The following DEUP1 variants were observed in gnomAD, a reference collection of about 807,000 sequenced individuals.
DEUP1 encodes deuterosome assembly protein 1.
DEUP1 carries 82 observed loss-of-function variants against 87.4 expected under a neutral mutation model. The observed-to-expected ratio is 0.94, with a 90% CI of 0.78 to 1.13. The LOEUF (loss-of-function observed/expected upper bound fraction) is 1.13. DEUP1 is among the 50% of genes most tolerant of loss of function. The pLI is 0.00. For synonymous variants in DEUP1, 214 were observed against 222.7 expected, an observed-to-expected ratio of 0.96 and a Z score of 0.35; for missense variants, 663 against 681.5, an observed-to-expected ratio of 0.97 and a Z score of 0.30.
intron 10 of DEUP1, among the ~76,000 whole-genome samples, chr11:93,395,608 G>T (rs10831032): frequency 6.6e-6 from 1 of 151,794 alleles, no homozygotes; most frequent in Non-Finnish European, 1.5e-5. Flanking sequence ...ATTTTTGTAC[G>T]TTTTCTAGGT....
At chr11:93,384,935 T>C (rs1209159206) in intron 7 of DEUP1, among the ~76,000 whole-genome samples, 2 of 152,088 alleles carry the variant, frequency 1.3e-5, no homozygotes, top group Admixed American at 6.5e-5. Context: ...AAAAAATGAA[T>C]GAAGGAGGCC....
At chr11:93,375,880 G>A (rs934292351) in intron 7 of DEUP1, among the ~76,000 whole-genome samples, 1 of 152,096 alleles carries the variant, frequency 6.6e-6, no homozygotes, top group Non-Finnish European at 1.5e-5. Flanking sequence ...TTCTTTGAAT[G>A]TTTGATAGAA....
rs766746912 is a variant in DEUP1, at chr11:93,415,005, G to A, written c.1529G>A (p.Ser510Asn). 1 of 1,558,082 alleles carries A rather than the reference G, an allele frequency of 6.4e-7. No individual in the cohort carries two copies. The highest frequency in any genetic ancestry group is 8.7e-7 in the Non-Finnish European group (1 of 1,153,946). Residue 510 changes from serine to asparagine, a missense_variant, in exon 13 of 14, where the codon AGT becomes AAT. Coordinates refer to ENST00000298050, the MANE Select transcript of DEUP1 (RefSeq NM_181645.4). ...AACCATTTCTTCTCTTTTAGACTTAGTCATGACTGTGAGCCAAACAGAAGT... is the reference window on the plus strand; with the variant it reads ...AACCATTTCTTCTCTTTTAGACTTAATCATGACTGTGAGCCAAACAGAAGT... ...IKVEQNEERL[S>N]HDCEPNRSTM... is the part of the protein sequence containing the mutation.
chr11:93,394,436 T>C (rs1366745508), intron 9 of DEUP1, 23 bp from the exon 10 acceptor site: 9 of 1,495,010 alleles, frequency 6.0e-6, no homozygotes, highest in Non-Finnish European at 7.1e-6. Context: ...TTCAATAATA[T>C]TTCCAGTCTC....
At chr11:93,375,127 T>G (rs12272743) in intron 7 of DEUP1, among the ~76,000 whole-genome samples, 37,200 of 151,416 alleles carry the variant, frequency 0.25, 4,865 homozygotes, top group South Asian at 0.38. Flanking sequence ...CCACTGATTT[T>G]TGTACATTGA....
At chr11:93,415,761 C>T (rs764073055) in intron 13 of DEUP1, among the ~76,000 whole-genome samples, 8 of 151,790 alleles carry the variant, frequency 5.3e-5, no homozygotes, top group Non-Finnish European at 8.8e-5. Context: ...GCTTCTTTTT[C>T]TCAACCTTGT....
chr11:93,385,978 G>A (rs1042857369), intron 8 of DEUP1, among the ~76,000 whole-genome samples: 4 of 151,796 alleles, frequency 2.6e-5, no homozygotes, highest in African/African-American at 7.3e-5. Flanking sequence ...GCTTGAGCCT[G>A]GAAGGTCAAG....
chr11:93,334,636 G>A (rs1232333036), intron 2 of DEUP1, among the ~76,000 whole-genome samples: 2 of 152,164 alleles, frequency 1.3e-5, no homozygotes, highest in Non-Finnish European at 2.9e-5. Context: ...AAGTGCCAAG[G>A]CCTATGGTGG....
rs545208806 is a variant in DEUP1 at position 93,369,597 on chromosome 11, T to C, written c.433-476T>C. Reference sequence around the variant, plus strand: ...ATGGTAAAAAATCCAACATGAATGATTTGACACCTTTTCTTTTGTTTGTTT... The same window carrying C: ...ATGGTAAAAAATCCAACATGAATGACTTGACACCTTTTCTTTTGTTTGTTT... On this transcript the variant is annotated intron_variant, in intron 5 of 13. Coordinates refer to ENST00000298050, the MANE Select transcript of DEUP1 (RefSeq NM_181645.4). 3.9e-5 allele frequency among the ~76,000 whole-genome samples: 6 copies of C among 152,328 alleles called. No individual in the cohort carries two copies. The East Asian group carries it at 9.6e-4, about 24-fold the overall frequency.
At chr11:93,355,321 C>T in intron 2 of DEUP1, 50 bp from the exon 3 acceptor site, 5 of 1,534,740 alleles carry the variant, frequency 3.3e-6, no homozygotes, top group Admixed American at 4.0e-5. Flanking sequence ...TTTTTTTTGC[C>T]CTCACATTTC....
chr11:93,428,636 CAT>C (rs528692403), intron 13 of DEUP1, among the ~76,000 whole-genome samples: 183 of 152,088 alleles, frequency 1.2e-3, no homozygotes, highest in Non-Finnish European at 2.2e-3. Flanking sequence ...AAAACCATCA[CAT>C]GTTTTAAGTG....
intron 2 of DEUP1, among the ~76,000 whole-genome samples, chr11:93,345,861 T>G (rs947930911): frequency 3.3e-5 from 5 of 152,198 alleles, no homozygotes; most frequent in African/African-American, 1.2e-4. Context: ...TTAAATTAAT[T>G]AGATCCCATT....
intron 2 of DEUP1, among the ~76,000 whole-genome samples, chr11:93,346,411 A>G (rs1944350634): frequency 6.6e-6 from 1 of 152,038 alleles, no homozygotes; most frequent in Admixed American, 6.6e-5. Flanking sequence ...TTTTTTGGTA[A>G]AGACAGAGTT....
At chr11:93,371,580 C>A (rs1037864626) in intron 7 of DEUP1, among the ~76,000 whole-genome samples, 1 of 152,142 alleles carries the variant, frequency 6.6e-6, no homozygotes, top group Non-Finnish European at 1.5e-5. Flanking sequence ...CCTCTTCCCC[C>A]ACTATTTTCT....
chr11:93,330,557 C>CG (rs1050257089), upstream of DEUP1: 19 of 152,338 alleles, frequency 1.2e-4, no homozygotes, highest in African/African-American at 4.3e-4. Context: ...GCCACGAGTT[C>CG]GGGCCGCGAC....
chr11:93,417,024 G>A (rs1179581611), intron 13 of DEUP1, among the ~76,000 whole-genome samples: 2 of 151,538 alleles, frequency 1.3e-5, no homozygotes, highest in African/African-American at 2.4e-5. Context: ...TACATGGGAC[G>A]TATCTCAAAA....
chr11:93,436,910 CA>C (rs1159767131), intron 13 of DEUP1, among the ~76,000 whole-genome samples: 2 of 151,996 alleles, frequency 1.3e-5, no homozygotes, highest in African/African-American at 4.8e-5. Context: ...TTTAAATAAG[CA>C]CTAAACAGGT....
chr11:93,371,810 A>AT (rs979571625), intron 7 of DEUP1, among the ~76,000 whole-genome samples: 2 of 151,656 alleles, frequency 1.3e-5, no homozygotes, highest in Admixed American at 6.6e-5. Context: ...ACAAGCATTA[A>AT]TTTTTTTTCT....
intron 11 of DEUP1, among the ~76,000 whole-genome samples, chr11:93,403,093 G>T (rs1411091571): frequency 6.6e-6 from 1 of 151,884 alleles, no homozygotes; most frequent in Non-Finnish European, 1.5e-5. Flanking sequence ...TTATTTAAAT[G>T]TACTAATTTA....
Sources: gnomAD v4.1 joint callset for allele counts (sites outside exome capture counted in the v4.1 genomes callset) on GRCh38, gnomAD v4.1.1 for gene constraint, MANE v1.5 for transcripts, NCBI Gene and HGNC (gene_info 2026-07-23, HGNC 2026-07-21) for gene names.